HECW2: variants seen among roughly 807,000 people sequenced by gnomAD.
The protein encoded by HECW2 is E3 ubiquitin-protein ligase HECW2.
Under a neutral mutation model 175.2 loss-of-function variants are expected in HECW2, and 61 were observed. The observed-to-expected ratio is 0.35, with a 90% confidence interval of 0.28 to 0.43. The LOEUF is 0.43. Ranked by LOEUF, HECW2 falls within the 20% of genes least tolerant of loss-of-function variation. HECW2 has a pLI of 1.00. For missense variants in HECW2, 1,524 were observed against 2,000.5 expected (o/e 0.76, Z 4.54); for synonymous variants, 671 against 731.0 (o/e 0.92, Z 1.32).
In HECW2 at chr2:196,320,324, A is replaced by G. The variant is rs1455150936; in HGVS notation, c.985+15T>C. ...CCTATAGCAATGTATTCATACAGAT[A>G]TATTTATATCTCACCTTCATGAACA... On this transcript the variant is annotated intron_variant, in intron 8 of 28. Transcript: ENST00000644978. The G allele has an allele frequency of 3.4e-6, 5 of 1,485,516 alleles. No individual in the cohort carries two copies. The Admixed American group carries it at 8.4e-5, about 25-fold the overall frequency. The allele number at this position is 1,485,516 out of a possible 1,614,324, so 92.0% of individuals were successfully genotyped here.
At chr2:196,238,413 C>T (rs547124796) in intron 21 of HECW2, 1 of 151,186 alleles carries the variant, frequency 6.6e-6, no homozygotes, top group South Asian at 2.1e-4. Flanking sequence ...TAAAAGAGCT[C>T]CTTACTTTTA....
intron 1 of HECW2, among the ~76,000 whole-genome samples, chr2:196,548,979 T>C (rs1245946493): frequency 6.6e-6 from 1 of 152,044 alleles, no homozygotes; most frequent in Admixed American, 6.6e-5. Flanking sequence ...AACGAACCTA[T>C]CTCCAGTTAA....
chr2:196,540,018 C>T (rs1485823037), intron 1 of HECW2, among the ~76,000 whole-genome samples: 1 of 152,176 alleles, frequency 6.6e-6, no homozygotes, highest in Non-Finnish European at 1.5e-5. Flanking sequence ...TTTGTTTTGA[C>T]GTAGGTACAG....
intron 2 of HECW2, among the ~76,000 whole-genome samples, chr2:196,382,238 T>C (rs1174258160): frequency 6.6e-6 from 1 of 151,770 alleles, no homozygotes; most frequent in East Asian, 1.9e-4. Flanking sequence ...TGTATATATA[T>C]ATATATATAC....
At chr2:196,423,684 T>TTTTGTGTGTGTG in intron 2 of HECW2, among the ~76,000 whole-genome samples, 1 of 140,046 alleles carries the variant, frequency 7.1e-6, no homozygotes, top group South Asian at 2.4e-4. Flanking sequence ...TAGTATTCCA[T>TTTTGTGTGTGTG]TGTGTGTGTG....
At position 196,411,287 on chromosome 2, in the gene HECW2, G is replaced by C. The variant is rs567330798; in HGVS notation, c.292+21845C>G. ...CCCAAAGTGTTGGGATTACAGGCATGAGCCACCATGCCTGGACTAGCAGCA... is the reference window on the plus strand; with the variant it reads ...CCCAAAGTGTTGGGATTACAGGCATCAGCCACCATGCCTGGACTAGCAGCA... On this transcript the variant is annotated intron_variant, in intron 2 of 28. Transcript: ENST00000644978. 2.0e-4 allele frequency among the ~76,000 whole-genome samples: 30 copies of C among 152,250 alleles called. No individual in the cohort carries two copies. In the East Asian group the frequency reaches 5.6e-3, roughly 28 times the overall value.
intron 2 of HECW2, among the ~76,000 whole-genome samples, chr2:196,405,504 A>T (rs574314020): frequency 6.6e-6 from 1 of 152,270 alleles, no homozygotes; most frequent in East Asian, 1.9e-4. Context: ...CTCATCTGCC[A>T]TACTTCTCTG....
At chr2:196,300,712 A>G (rs1384767972) in intron 13 of HECW2, among the ~76,000 whole-genome samples, 1 of 152,206 alleles carries the variant, frequency 6.6e-6, no homozygotes, top group Non-Finnish European at 1.5e-5. Flanking sequence ...ATATATACAT[A>G]TATCTCACAT....
intron 1 of HECW2, among the ~76,000 whole-genome samples, chr2:196,521,433 C>A (rs2056740): frequency 6.6e-6 from 1 of 152,088 alleles, no homozygotes; most frequent in African/African-American, 2.4e-5. Flanking sequence ...ATGAATATTA[C>A]AAAGTCACTT....
At chr2:196,521,448 C>T (rs929467213) in intron 1 of HECW2, among the ~76,000 whole-genome samples, 5 of 151,446 alleles carry the variant, frequency 3.3e-5, no homozygotes, top group Admixed American at 6.6e-5. Context: ...TCACTTGAAT[C>T]CCTTCATTTT....
At chr2:196,504,437 C>T (rs996254584) in intron 1 of HECW2, among the ~76,000 whole-genome samples, 7 of 152,142 alleles carry the variant, frequency 4.6e-5, no homozygotes, top group African/African-American at 1.7e-4. Context: ...TCCTACCTGA[C>T]TGAGGCCCAC....
rs10497779 is a variant in HECW2, at chr2:196,214,981, C to A, written c.4607+884G>T. ...CAATTTAGGATAACATCTTGGGGTA[C>A]CTAATATCATTTAATCTCTCTAGAG... is the stretch of plus-strand genomic sequence containing the variant. On this transcript the variant is annotated intron_variant, in intron 28 of 28. Transcript: ENST00000644978. 9.6e-3 allele frequency among the ~76,000 whole-genome samples: 1,468 copies of A among 152,132 alleles called. 12 individuals carry two copies. Among genetic ancestry groups the A allele is most frequent in the Middle Eastern group, 0.017 (5 of 294 alleles).
chr2:196,271,992 G>C (rs916226536), intron 16 of HECW2, among the ~76,000 whole-genome samples: 1 of 152,094 alleles, frequency 6.6e-6, no homozygotes, highest in Admixed American at 6.5e-5. Flanking sequence ...GGTCACCAAC[G>C]AGATTCTAGA....
rs1687346300 is a variant in HECW2 at position 196,213,009 on chromosome 2, G to C, written c.4607+2856C>G. 2.0e-5 allele frequency among the ~76,000 whole-genome samples: 3 copies of C among 152,324 alleles called. No homozygotes were observed. The East Asian group carries it at 5.8e-4, about 29-fold the overall frequency. ...AAAAAATAGCAGAAAAATGGCTTCA[G>C]TGTATCTGTTCTGATGGTAGGAGAA... On this transcript the variant is annotated intron_variant, in intron 28 of 28. Transcript: ENST00000644978.
At chr2:196,323,908 G>GTTTT (rs1227754141) in intron 6 of HECW2, among the ~76,000 whole-genome samples, 7 of 63,212 alleles carry the variant, frequency 1.1e-4, no homozygotes, top group African/African-American at 2.3e-4. Flanking sequence ...AGTTTTTTTT[G>GTTTT]TTTTTTGTTT....
rs2105777433 is a variant in HECW2, at chr2:196,325,035, T to C, written c.686A>G (p.Gln229Arg). 1 of 1,611,548 alleles carries C rather than the reference T, an allele frequency of 6.2e-7. No homozygotes were observed. The highest frequency in any genetic ancestry group is 8.5e-7 in the Non-Finnish European group (1 of 1,179,180). Reference protein sequence around the residue: ...SSFPTCAHHGQERRSTIISNT... With the variant: ...SSFPTCAHHGRERRSTIISNT... Reference sequence around the variant, plus strand: ...ACTGATGATAGTAGACCGTCTCTCCTGCCCGTGGTGGGCACAGGTGGGGAA... The same window carrying C: ...ACTGATGATAGTAGACCGTCTCTCCCGCCCGTGGTGGGCACAGGTGGGGAA... The change falls in exon 6 of 29, where the codon CAG (glutamine) becomes CGG (arginine). Residue 229 changes from glutamine to arginine, a missense_variant. Physicochemically the swap from Gln to Arg is conservative, Grantham distance 43. This residue lies in a region of HECW2 where 95 missense variants were observed against 136.8 expected (regional missense o/e 0.69). Transcript: ENST00000644978.
At chr2:196,306,159 C>T (rs575034279) in intron 13 of HECW2, among the ~76,000 whole-genome samples, 1 of 151,722 alleles carries the variant, frequency 6.6e-6, no homozygotes, top group Admixed American at 6.6e-5. Flanking sequence ...GGAGAAGATG[C>T]TATCTACACA....
intron 1 of HECW2, among the ~76,000 whole-genome samples, chr2:196,564,066 A>G (rs1690097315): frequency 6.6e-6 from 1 of 152,214 alleles, no homozygotes; most frequent in South Asian, 2.1e-4. Flanking sequence ...CCCATTCCAC[A>G]ATCACCAGTA....
chr2:196,292,282 T>C (rs1690629986), intron 14 of HECW2: 1 of 316,268 alleles, frequency 3.2e-6, no homozygotes. Flanking sequence ...TTTTCTCTAA[T>C]CAGCAGAGCA....
Sources: gnomAD v4.1 joint callset for allele counts (sites outside exome capture counted in the v4.1 genomes callset) on GRCh38, gnomAD v4.1.1 for gene constraint, gnomAD v4.1.1 regional missense constraint, MANE v1.5 for transcripts, NCBI Gene and HGNC (gene_info 2026-07-23, HGNC 2026-07-21) for gene names.